Variants in FHIP2A observed in about 807,000 individuals in gnomAD.
The protein encoded by FHIP2A is family with sequence similarity 160 member B1.
FHIP2A carries 46 observed loss-of-function variants against 93.5 expected under a neutral mutation model. That is an observed-to-expected ratio of 0.49 (90% CI 0.39 to 0.63). The LOEUF (loss-of-function observed/expected upper bound fraction) is 0.63. FHIP2A is among the 20% of genes least tolerant of loss of function. The pLI is 0.00. For synonymous variants in FHIP2A, 332 were observed against 326.5 expected (o/e 1.02, Z -0.18); for missense variants, 769 against 909.7 (o/e 0.85, Z 1.99).
chr10:114,882,958 T>C (rs2083924395), intron 16 of FHIP2A, among the ~76,000 whole-genome samples: 1 of 150,414 alleles, frequency 6.6e-6, no homozygotes, highest in Admixed American at 6.6e-5. Flanking sequence ...TGACTAAGGG[T>C]TCATGAAGGT....
At chr10:114,833,938 C>T (rs1162034557) in intron 3 of FHIP2A, among the ~76,000 whole-genome samples, 1 of 152,104 alleles carries the variant, frequency 6.6e-6, no homozygotes, top group African/African-American at 2.4e-5. Context: ...AGTAAGGGAA[C>T]GGGAGAGCCT....
chr10:114,851,833 C>G (rs1470749255), intron 13 of FHIP2A, among the ~76,000 whole-genome samples: 9 of 151,636 alleles, frequency 5.9e-5, no homozygotes. Context: ...TCATGAACAC[C>G]GGATGTTTTT....
At chr10:114,830,818 T>G in intron 1 of FHIP2A, 34 bp from the exon 2 acceptor site, 3 of 1,462,622 alleles carry the variant, frequency 2.1e-6, no homozygotes, top group Non-Finnish European at 2.8e-6. Context: ...TTCAATGCCA[T>G]TTTCTTAATT....
chr10:114,888,689 G>T (rs770461396), intron 16 of FHIP2A, among the ~76,000 whole-genome samples: 1 of 151,934 alleles, frequency 6.6e-6, no homozygotes, highest in Non-Finnish European at 1.5e-5. Flanking sequence ...TGCAAACTCC[G>T]CCTCCCAGAT....
intron 1 of FHIP2A, among the ~76,000 whole-genome samples, chr10:114,823,906 AC>A (rs1475702980): frequency 6.6e-6 from 1 of 152,166 alleles, no homozygotes; most frequent in Non-Finnish European, 1.5e-5. Flanking sequence ...TAGGCTCTGC[AC>A]CTGTGATTTA....
intron 16 of FHIP2A, among the ~76,000 whole-genome samples, chr10:114,897,826 T>C (rs1207288767): frequency 6.6e-6 from 1 of 152,178 alleles, no homozygotes; most frequent in Non-Finnish European, 1.5e-5. Context: ...GGAGGATTGA[T>C]TGAGCCTGGG....
chr10:114,833,506 CA>C lies in FHIP2A; in HGVS notation c.294+105del, dbSNP rs1162690962. On this transcript the variant is annotated intron_variant, in intron 3 of 16. Transcript: ENST00000369248. Reference sequence around the variant, plus strand: ...CTTGATTATAAAGGTACATATTGAACATGGCAGGATTCAAGTTAAGATTGTA... The same window carrying C: ...CTTGATTATAAAGGTACATATTGAACTGGCAGGATTCAAGTTAAGATTGTA... 4 of 1,082,722 alleles carry C rather than the reference CA, an allele frequency of 3.7e-6. No homozygotes were observed. In the Admixed American group the frequency reaches 8.7e-5, roughly 23 times the overall value. 67.1% of individuals were successfully genotyped at this position (1,082,722 alleles called of 1,614,324 possible). A position where few individuals can be genotyped will look rare whatever the true frequency, so the allele number is the denominator to read the frequency against.
intron 16 of FHIP2A, among the ~76,000 whole-genome samples, chr10:114,875,916 GAA>G (rs61218530): frequency 0.27 from 32,453 of 119,764 alleles, 7,199 homozygotes; most frequent in Non-Finnish European, 0.36. Flanking sequence ...GAAAGAGAAA[GAA>G]AGAAAGAAAG....
chr10:114,860,202 A>G (rs1018573353), intron 14 of FHIP2A, among the ~76,000 whole-genome samples: 1 of 152,110 alleles, frequency 6.6e-6, no homozygotes, highest in African/African-American at 2.4e-5. Flanking sequence ...ACTCTGTCAC[A>G]TATTTGTCTT....
intron 13 of FHIP2A, 83 bp downstream of exon 13, chr10:114,848,820 C>T (rs2083717598): frequency 2.4e-5 from 21 of 861,916 alleles, no homozygotes; most frequent in Non-Finnish European, 3.8e-5. Context: ...ACCACCACTG[C>T]TCCAAGGAAA....
chr10:114,835,638 G>A lies in FHIP2A; in HGVS notation c.396G>A (p.Val132=), dbSNP rs1246836414. ...CACACATTAACGTGCACAGGCCAGT[G>A]CAGGTATTTTGTTCCCCCTACATAA... The part of the protein sequence containing the change: ...LLPHINVHRP[V]QKLIRLCGEV... The change falls in exon 4 of 17, where the codon GTG becomes GTA. Residue 132 remains valine (V), a synonymous_variant. Coordinates refer to ENST00000369248, the MANE Select transcript of FHIP2A (RefSeq NM_020940.4). 4.5e-6 allele frequency: 7 copies of A among 1,553,408 alleles called. No individual in the cohort carries two copies. Among genetic ancestry groups the A allele is most frequent in the Non-Finnish European group, 6.1e-6 (7 of 1,141,048 alleles).
Position 114,861,548 on chromosome 10 carries a change from C to A in FHIP2A, c.*8C>A. ...GCTTCCTCCACACCATAAATAACAT[C>A]TTTCATGTAACTGGGGGAACAGAAC... On this transcript the variant is annotated 3_prime_UTR_variant, in exon 17 of 17. Transcript: ENST00000369248. The A allele has an allele frequency of 6.2e-7, 1 of 1,612,386 alleles. No individual in the cohort carries two copies. The highest frequency in any genetic ancestry group is 8.5e-7 in the Non-Finnish European group (1 of 1,179,792).
chr10:114,893,685 CTG>C (rs143279571), intron 16 of FHIP2A, among the ~76,000 whole-genome samples: 5 of 151,290 alleles, frequency 3.3e-5, no homozygotes, highest in Non-Finnish European at 7.4e-5. Context: ...ATGTGGTATT[CTG>C]TGTGTGTGTG....
chr10:114,889,647 C>A (rs1296550069), intron 16 of FHIP2A, among the ~76,000 whole-genome samples: 1 of 152,206 alleles, frequency 6.6e-6, no homozygotes, highest in Non-Finnish European at 1.5e-5. Flanking sequence ...CATTAACAAG[C>A]CCAACTCAGA....
intron 16 of FHIP2A, among the ~76,000 whole-genome samples, chr10:114,875,660 A>T (rs1004410517): frequency 6.6e-6 from 1 of 151,896 alleles, no homozygotes; most frequent in Admixed American, 6.6e-5. Flanking sequence ...GCGCCATTGC[A>T]CTCAAGCCTG....
rs2083921150 is a variant in FHIP2A at position 114,882,318 on chromosome 10, G to A, written c.2193-17172G>A. Reference sequence around the variant, plus strand: ...AGTCTCTTGTGGCTGGAGAGCCCATGTGTGCTACGCTCTGTGCCTCTGTGA... The same window carrying A: ...AGTCTCTTGTGGCTGGAGAGCCCATATGTGCTACGCTCTGTGCCTCTGTGA... On this transcript the variant is annotated intron_variant, in intron 16 of 16. Transcript: ENST00000369250. 5.9e-5 allele frequency among the ~76,000 whole-genome samples: 9 copies of A among 152,182 alleles called. No individual in the cohort carries two copies. The South Asian group carries it at 1.9e-3, about 31-fold the overall frequency.
chr10:114,845,774 T>C (rs542371039), intron 8 of FHIP2A, among the ~76,000 whole-genome samples: 1 of 152,306 alleles, frequency 6.6e-6, no homozygotes, highest in African/African-American at 2.4e-5. Flanking sequence ...GTTAATACTA[T>C]ATGGACATTG....
At chr10:114,896,244 A>G (rs1474181938) in intron 16 of FHIP2A, among the ~76,000 whole-genome samples, 1 of 152,166 alleles carries the variant, frequency 6.6e-6, no homozygotes, top group Non-Finnish European at 1.5e-5. Context: ...CAAACAAAAA[A>G]AAAAGCAACA....
intron 16 of FHIP2A, among the ~76,000 whole-genome samples, chr10:114,888,997 A>G (rs1317445394): frequency 6.6e-6 from 1 of 152,082 alleles, no homozygotes; most frequent in East Asian, 1.9e-4. Flanking sequence ...CTTATGAAGC[A>G]TTCAGTGAAA....
Sources: gnomAD v4.1 joint callset for allele counts (sites outside exome capture counted in the v4.1 genomes callset) on GRCh38, gnomAD v4.1.1 for gene constraint, MANE v1.5 for transcripts, NCBI Gene and HGNC (gene_info 2026-07-23, HGNC 2026-07-21) for gene names.